NCAPD3: variants seen among roughly 807,000 people sequenced by gnomAD.
NCAPD3 encodes non-SMC condensin II complex subunit D3.
In NCAPD3, 105 loss-of-function variants were observed where a neutral mutation model predicts 182.9. The observed-to-expected ratio is 0.57, with a 90% CI of 0.49 to 0.68. The LOEUF (loss-of-function observed/expected upper bound fraction) is 0.68, where lower values mean the gene tolerates loss of function less well. Ranked by LOEUF, NCAPD3 falls within the 30% of genes least tolerant of loss-of-function variation. The pLI is 0.00. For synonymous variants in NCAPD3, 815 were observed against 679.9 expected, an observed-to-expected ratio of 1.20 and a Z score of -3.09; for missense variants, 1,944 against 1,837.0, an observed-to-expected ratio of 1.06 and a Z score of -1.07.
At chr11:134,157,719 C>T (rs1356800373) in intron 31 of NCAPD3, among the ~76,000 whole-genome samples, 2 of 152,212 alleles carry the variant, frequency 1.3e-5, no homozygotes, top group Non-Finnish European at 2.9e-5. Context: ...TGCCTCACTG[C>T]TATGGGTGAG....
chr11:134,176,243 A>T, intron 24 of NCAPD3, 64 bp downstream of exon 24: 1 of 1,441,892 alleles, frequency 6.9e-7, no homozygotes, highest in Non-Finnish European at 9.7e-7. Flanking sequence ...AAAAAAAAAG[A>T]AATCCAGCAT....
At chr11:134,189,042 T>C (rs944154535) in intron 16 of NCAPD3, among the ~76,000 whole-genome samples, 2 of 152,172 alleles carry the variant, frequency 1.3e-5, no homozygotes, top group Non-Finnish European at 2.9e-5. Flanking sequence ...ATGGTGGCCC[T>C]GGCAAATTAA....
Position 134,157,974 on chromosome 11 carries a change from C to T in NCAPD3, c.4128G>A (p.Leu1376=). The change falls in exon 31 of 35, where the codon CTG becomes CTA. Residue 1376 remains leucine, a synonymous_variant. Coordinates refer to ENST00000534548, the MANE Select transcript of NCAPD3 (RefSeq NM_015261.3). ...GGCTTCCAGAATTTAAAGTGAAAGG[C>T]AGCACTCCTAAGCTCCGACTCCGAT... ...SRHRSRSLGV[L]PFTLNSGSPE... 6.2e-7 allele frequency: 1 copy of T among 1,614,184 alleles called. No homozygotes were observed. The highest frequency in any genetic ancestry group is 8.5e-7 in the Non-Finnish European group (1 of 1,180,020).
chr11:134,212,375 T>TTGTGTGTGTGTGTGTGTGTGTGTGTGTG (rs56807520), intron 3 of NCAPD3, among the ~76,000 whole-genome samples: 4 of 143,172 alleles, frequency 2.8e-5, no homozygotes, highest in African/African-American at 1.1e-4. Context: ...TTTTGTTGTT[T>TTGTGTGTGTGTGTGTGTGTGTGTGTGTG]TGTGTGTGTG....
intron 3 of NCAPD3, among the ~76,000 whole-genome samples, chr11:134,212,331 A>G (rs75110728): frequency 0.027 from 4,172 of 152,094 alleles, 84 homozygotes; most frequent in Non-Finnish European, 0.042. Flanking sequence ...AGAAAAAATA[A>G]CACACAAGAG....
intron 27 of NCAPD3, among the ~76,000 whole-genome samples, chr11:134,165,887 C>T (rs991325297): frequency 8.9e-6 from 1 of 112,704 alleles, no homozygotes; most frequent in Non-Finnish European, 1.7e-5. Context: ...GTGAGATGAG[C>T]TTGGGGGAGG....
intron 7 of NCAPD3, among the ~76,000 whole-genome samples, chr11:134,208,483 TCTGA>T (rs1937701601): frequency 6.6e-6 from 1 of 152,254 alleles, no homozygotes; most frequent in Non-Finnish European, 1.5e-5. Flanking sequence ...TTGAAAATTC[TCTGA>T]CTATTCTACT....
chr11:134,157,921 G>C lies in NCAPD3; in HGVS notation c.4174+7C>G. 1 of 1,612,174 alleles carries C rather than the reference G, an allele frequency of 6.2e-7. No individual in the cohort carries two copies. The highest frequency in any genetic ancestry group is 8.5e-7 in the Non-Finnish European group (1 of 1,178,886). On this transcript the variant is annotated splice_region_variant and intron_variant, in intron 31 of 34. Transcript: ENST00000534548. ...CTACTGTGTCTGGCACCAAACATAA[G>C]GCTTACCCTGACTGCACGTTTTTTC...
In NCAPD3 at chr11:134,177,460, G is replaced by A. The variant is rs1035111445; in HGVS notation, c.2783-3C>T. The A allele has an allele frequency of 4.4e-6, 7 of 1,608,148 alleles. No homozygotes were observed. The African/African-American group carries it at 9.4e-5, about 21-fold the overall frequency. ...CTCGTGCTGTAAGCACAGCTTACCT[G>A]GCACAGAAGACAGGAAGATGTCTCA... is the stretch of plus-strand genomic sequence containing the variant. On this transcript the variant is annotated splice_region_variant and splice_polypyrimidine_tract_variant and intron_variant, in intron 22 of 34. Coordinates refer to ENST00000534548, the MANE Select transcript of NCAPD3 (RefSeq NM_015261.3).
At chr11:134,194,607 C>G in intron 14 of NCAPD3, 58 bp downstream of exon 14, 1 of 1,258,548 alleles carries the variant, frequency 7.9e-7, no homozygotes, top group Non-Finnish European at 1.1e-6. Context: ...AAAAATATTC[C>G]TTTGCATTTC....
chr11:134,176,225 C>T lies in NCAPD3; in HGVS notation c.3101+82G>A, dbSNP rs74924312. Reference sequence around the variant, plus strand: ...TCACTAAATCCTACTTAACTCTAAACCAATCTGAAAAAAAAAGAAATCCAG... The same window carrying T: ...TCACTAAATCCTACTTAACTCTAAATCAATCTGAAAAAAAAAGAAATCCAG... On this transcript the variant is annotated intron_variant, in intron 24 of 34. Coordinates refer to ENST00000534548, the MANE Select transcript of NCAPD3 (RefSeq NM_015261.3). The T allele has an allele frequency of 5.0e-3, 6,654 of 1,319,722 alleles. 266 individuals carry two copies. In the African/African-American group the frequency reaches 0.087, roughly 17 times the overall value. The allele number at this position is 1,319,722 out of a possible 1,614,324, so 81.8% of individuals were successfully genotyped here.
At chr11:134,163,382 T>G (rs541317881) in intron 27 of NCAPD3, among the ~76,000 whole-genome samples, 278 of 152,144 alleles carry the variant, frequency 1.8e-3, no homozygotes, top group African/African-American at 6.4e-3. Flanking sequence ...TCAGATATAA[T>G]AAAATGATCA....
At chr11:134,177,792 T>A in intron 22 of NCAPD3, 1 of 289,764 alleles carries the variant, frequency 3.5e-6, no homozygotes, top group East Asian at 7.6e-5. Context: ...TGAAACATTT[T>A]ACTCCTGATT....
intron 16 of NCAPD3, among the ~76,000 whole-genome samples, chr11:134,186,677 T>C (rs568198250): frequency 6.6e-6 from 1 of 152,346 alleles, no homozygotes; most frequent in South Asian, 2.1e-4. Flanking sequence ...CACATACACA[T>C]ACATACCCAC....
intron 32 of NCAPD3, chr11:134,153,926 CT>C (rs1943341604): frequency 6.2e-6 from 1 of 161,226 alleles, no homozygotes; most frequent in Admixed American, 5.9e-5. Flanking sequence ...CACCTCCCCC[CT>C]CGCCCTTGAT....
At chr11:134,181,342 T>C (rs1012041150) in intron 19 of NCAPD3, among the ~76,000 whole-genome samples, 158 bp from the exon 20 acceptor site, 3 of 152,210 alleles carry the variant, frequency 2.0e-5, no homozygotes, top group African/African-American at 7.2e-5. Flanking sequence ...AAAACCACAA[T>C]GACATGCATT....
chr11:134,153,299 C>G lies in NCAPD3; in HGVS notation c.4317G>C (p.Ser1439=), dbSNP rs774284599. ...ACACCAAGAACTTGCCTTTGGCTGACGACGGAGTCCGTGGTGTCCCGATGT... is the reference window on the plus strand; with the variant it reads ...ACACCAAGAACTTGCCTTTGGCTGAGGACGGAGTCCGTGGTGTCCCGATGT... ...VSYIGTPRTP[S]SAKEKIEGRS... is the part of the protein sequence containing the mutation. Residue 1439 remains serine (S), a synonymous_variant, in exon 33 of 35, where the codon TCG becomes TCC. Coordinates refer to ENST00000534548, the MANE Select transcript of NCAPD3 (RefSeq NM_015261.3). The G allele has an allele frequency of 1.2e-6, 2 of 1,614,192 alleles. No homozygotes were observed. Among genetic ancestry groups the G allele is most frequent in the South Asian group, 2.2e-5 (2 of 91,084 alleles).
chr11:134,167,478 G>A (rs1370224711), intron 27 of NCAPD3, among the ~76,000 whole-genome samples: 1 of 143,212 alleles, frequency 7.0e-6, no homozygotes, highest in Non-Finnish European at 1.5e-5. Flanking sequence ...TCACTTGTGA[G>A]ATGAGCTTGG....
chr11:134,160,331 A>G (rs1051910941), intron 28 of NCAPD3, among the ~76,000 whole-genome samples: 1 of 152,162 alleles, frequency 6.6e-6, no homozygotes, highest in Non-Finnish European at 1.5e-5. Context: ...GTATATTTGG[A>G]GCAAACACCA....
Sources: gnomAD v4.1 joint callset for allele counts (sites outside exome capture counted in the v4.1 genomes callset) on GRCh38, gnomAD v4.1.1 for gene constraint, MANE v1.5 for transcripts, NCBI Gene and HGNC (gene_info 2026-07-23, HGNC 2026-07-21) for gene names.